The following TNFRSF10A variants were observed in gnomAD, a reference collection of about 807,000 sequenced individuals.
TNFRSF10A encodes TNF receptor superfamily member 10a, also known as tumor necrosis factor receptor superfamily member 10A.
Under a neutral mutation model 42.8 loss-of-function variants are expected in TNFRSF10A, and 44 were observed. The ratio of observed to expected loss-of-function variants is 1.03; its 90% CI spans 0.81 to 1.32. The LOEUF (loss-of-function observed/expected upper bound fraction) is 1.32. Ranked by LOEUF, TNFRSF10A falls within the 40% of genes most tolerant of loss-of-function variation. The pLI is 0.00. For missense variants in TNFRSF10A, 680 were observed against 602.0 expected (o/e 1.13, Z -1.36); for synonymous variants, 259 against 234.2 (o/e 1.11, Z -0.97).
At chr8:23,201,636 G>C (rs886167015) in intron 4 of TNFRSF10A, among the ~76,000 whole-genome samples, 172 bp downstream of exon 4, 12 of 152,084 alleles carry the variant, frequency 7.9e-5, no homozygotes, top group Admixed American at 7.9e-4. Context: ...GGACCAGGAG[G>C]GGCAGGTTGC....
chr8:23,200,101 A>G (rs1800885744), intron 6 of TNFRSF10A, among the ~76,000 whole-genome samples, 184 bp from the exon 7 acceptor site: 1 of 152,144 alleles, frequency 6.6e-6, no homozygotes, highest in Non-Finnish European at 1.5e-5. Context: ...GCATAAAGGG[A>G]AGTAGGCTAA....
chr8:23,224,508 C>G, intron 1 of TNFRSF10A: 1 of 540,574 alleles, frequency 1.8e-6, no homozygotes, highest in Non-Finnish European at 3.3e-6. Flanking sequence ...AGGCAGCAGC[C>G]AACGGGGTGG....
chr8:23,195,844 G>A (rs1800816168), intron 9 of TNFRSF10A, among the ~76,000 whole-genome samples: 1 of 152,104 alleles, frequency 6.6e-6, no homozygotes, highest in African/African-American at 2.4e-5. Context: ...AGCTTCCCAT[G>A]ATGCCCCTCC....
At chr8:23,199,083 A>G (rs1451675198) in intron 8 of TNFRSF10A, among the ~76,000 whole-genome samples, 183 bp downstream of exon 8, 5 of 152,176 alleles carry the variant, frequency 3.3e-5, no homozygotes, top group Non-Finnish European at 7.4e-5. Context: ...CAGGACAGGG[A>G]CTAAGAAGCA....
intron 2 of TNFRSF10A, among the ~76,000 whole-genome samples, chr8:23,210,188 A>G (rs956522381): frequency 3.3e-5 from 5 of 152,214 alleles, no homozygotes; most frequent in African/African-American, 1.2e-4. Context: ...GTTAAGTCCA[A>G]TTAAACCTCT....
chr8:23,215,823 T>C (rs1281782338), intron 1 of TNFRSF10A, among the ~76,000 whole-genome samples: 3 of 152,060 alleles, frequency 2.0e-5, no homozygotes, highest in Non-Finnish European at 4.4e-5. Flanking sequence ...TATTACTTTT[T>C]TTTTTTTTTC....
intron 4 of TNFRSF10A, 117 bp from the exon 5 acceptor site, chr8:23,200,877 G>C (rs1382063684): frequency 2.3e-5 from 22 of 965,820 alleles, no homozygotes; most frequent in Non-Finnish European, 3.6e-5. Context: ...GGGAAGGATA[G>C]TCTCCTCGTA....
At chr8:23,199,664 C>G (rs1585280499) in intron 7 of TNFRSF10A, among the ~76,000 whole-genome samples, 1 of 152,232 alleles carries the variant, frequency 6.6e-6, no homozygotes, top group Middle Eastern at 3.4e-3. Flanking sequence ...GGGTAAGGGT[C>G]TCACCTGGGC....
Position 23,191,620 on chromosome 8 carries a change from T to C in TNFRSF10A, c.*74A>G, listed in dbSNP as rs1232264946. 5.6e-6 allele frequency: 8 copies of C among 1,436,804 alleles called. No homozygotes were observed. In the East Asian group the frequency reaches 1.5e-4, roughly 27 times the overall value. The allele number at this position is 1,436,804 out of a possible 1,614,324, so 89.0% of individuals were successfully genotyped here. A position where few individuals can be genotyped will look rare whatever the true frequency, so the allele number is the denominator to read the frequency against. On this transcript the variant is annotated 3_prime_UTR_variant, in exon 10 of 10. Coordinates refer to ENST00000221132, the MANE Select transcript of TNFRSF10A (RefSeq NM_003844.4). Reference sequence around the variant, plus strand: ...TGGCTAAGAATTTACTTTGTATACATGTTAAAAAAAAAAAAAACCTAATAT... The same window carrying C: ...TGGCTAAGAATTTACTTTGTATACACGTTAAAAAAAAAAAAAACCTAATAT...
rs149898786 is a variant in TNFRSF10A, at chr8:23,216,070, G to T, written c.307-3858C>A. ...AGACCTCAGGTGAATCGCCTGCCTC[G>T]GCCTCCCAAAGTGCTGGGATTACAG... On this transcript the variant is annotated intron_variant, in intron 1 of 9. Transcript: ENST00000221132. Among the ~76,000 whole-genome samples, 851 of 152,034 alleles carry T rather than the reference G, an allele frequency of 5.6e-3. 11 individuals carry two copies. Among genetic ancestry groups the T allele is most frequent in the African/African-American group, 0.019 (797 of 41,468 alleles).
At chr8:23,207,917 AC>A (rs1001094987) in intron 2 of TNFRSF10A, among the ~76,000 whole-genome samples, 4 of 151,680 alleles carry the variant, frequency 2.6e-5, no homozygotes, top group Middle Eastern at 3.4e-3. Flanking sequence ...AAAAAAAAAA[AC>A]TAATACAGTA....
At chr8:23,193,599 A>G (rs1800783545) in intron 9 of TNFRSF10A, among the ~76,000 whole-genome samples, 1 of 151,940 alleles carries the variant, frequency 6.6e-6, no homozygotes, top group South Asian at 2.1e-4. Flanking sequence ...AGGGCAAGTG[A>G]GTGTCTTTTG....
chr8:23,216,587 C>A (rs1297683110), intron 1 of TNFRSF10A, among the ~76,000 whole-genome samples: 2 of 151,918 alleles, frequency 1.3e-5, no homozygotes, highest in Non-Finnish European at 2.9e-5. Context: ...ACTAAAAATA[C>A]AAAAATGAGC....
intron 1 of TNFRSF10A, among the ~76,000 whole-genome samples, chr8:23,218,165 TGA>T (rs1031883281): frequency 6.6e-6 from 1 of 151,340 alleles, no homozygotes; most frequent in Admixed American, 6.6e-5. Flanking sequence ...TTTGTGTGTG[TGA>T]GAGAGAGAGA....
intron 1 of TNFRSF10A, among the ~76,000 whole-genome samples, chr8:23,220,771 G>A (rs372260808): frequency 3.9e-5 from 6 of 152,168 alleles, no homozygotes; most frequent in Admixed American, 1.3e-4. Flanking sequence ...CCCCATCTCC[G>A]ACCTGGAAGC....
In TNFRSF10A at chr8:23,207,440, T is replaced by G. The variant is rs186706067; in HGVS notation, c.403+4676A>C. The stretch of plus-strand genomic sequence containing the variant: ...CAGAAAAACAAAGTTGAGGCCCAGA[T>G]GCCTTTACCACTGAATGATACCAAC... On this transcript the variant is annotated intron_variant, in intron 2 of 9. Transcript: ENST00000221132. The G allele has an allele frequency of 2.0e-3, 953 of 473,382 alleles. 7 individuals are homozygous for G. Among genetic ancestry groups the G allele is most frequent in the Non-Finnish European group, 1.2e-3 (307 of 245,772 alleles). The allele number at this position is 473,382 out of a possible 1,614,324, so 29.3% of individuals were successfully genotyped here.
At chr8:23,200,143 C>A (rs1800886173) in intron 6 of TNFRSF10A, among the ~76,000 whole-genome samples, 1 of 152,222 alleles carries the variant, frequency 6.6e-6, no homozygotes. Context: ...CTGTTTTCTG[C>A]TCTGTGTTTT....
chr8:23,195,710 A>T (rs1800814003), intron 9 of TNFRSF10A, among the ~76,000 whole-genome samples: 1 of 152,200 alleles, frequency 6.6e-6, no homozygotes, highest in Non-Finnish European at 1.5e-5. Context: ...TGGTCCTGCT[A>T]TAATTTGTCT....
At chr8:23,218,206 G>C (rs1585288315) in intron 1 of TNFRSF10A, among the ~76,000 whole-genome samples, 1 of 152,006 alleles carries the variant, frequency 6.6e-6, no homozygotes, top group South Asian at 2.1e-4. Context: ...GCAAGAGAGA[G>C]AGGTCTTGTT....
Sources: gnomAD v4.1 joint callset for allele counts (sites outside exome capture counted in the v4.1 genomes callset) on GRCh38, gnomAD v4.1.1 for gene constraint, MANE v1.5 for transcripts, NCBI Gene and HGNC (gene_info 2026-07-23, HGNC 2026-07-21) for gene names.